The following EVA1A variants were observed in gnomAD, a reference collection of about 807,000 sequenced individuals.
The protein encoded by EVA1A is eva-1 homolog A, regulator of programmed cell death.
In EVA1A, 7 loss-of-function variants were observed where a neutral mutation model predicts 9.8. The ratio of observed to expected loss-of-function variants is 0.71; its 90% confidence interval spans 0.41 to 1.34. The LOEUF (loss-of-function observed/expected upper bound fraction) is 1.34, where lower values mean the gene tolerates loss of function less well. EVA1A is among the 40% of genes most tolerant of loss of function. The pLI, the probability that EVA1A is intolerant of heterozygous loss-of-function variation, is 0.01. For missense variants in EVA1A, 206 were observed against 205.9 expected (o/e 1.00, Z 0.00); for synonymous variants, 90 against 85.6 (o/e 1.05, Z -0.28).
rs561048980 is a variant in EVA1A at position 75,517,311 on chromosome 2, A to G, written c.85+745T>C. On this transcript the variant is annotated intron_variant, in intron 3 of 3. Transcript: ENST00000393913. ...GAAACCCTAGTCCCTTCCTTTTTATACAATATATCCAGAGACATCAGGCAA... is the reference window on the plus strand; with the variant it reads ...GAAACCCTAGTCCCTTCCTTTTTATGCAATATATCCAGAGACATCAGGCAA... 1.1e-4 allele frequency among the ~76,000 whole-genome samples: 17 copies of G among 152,324 alleles called. No individual in the cohort carries two copies. In the South Asian group the frequency reaches 3.1e-3, roughly 28 times the overall value.
chr2:75,510,986 C>T (rs1182598860), intron 3 of EVA1A, among the ~76,000 whole-genome samples: 4 of 152,222 alleles, frequency 2.6e-5, no homozygotes, highest in African/African-American at 7.2e-5. Flanking sequence ...TCTCGTGCTA[C>T]AATGCAAAGT....
At chr2:75,503,027 C>T (rs1674483002) in intron 3 of EVA1A, among the ~76,000 whole-genome samples, 1 of 152,154 alleles carries the variant, frequency 6.6e-6, no homozygotes, top group Non-Finnish European at 1.5e-5. Context: ...CTTAATGAGT[C>T]CACCTTGTCC....
Position 75,493,113 on chromosome 2 carries a change from G to A in EVA1A, c.*123C>T. On this transcript the variant is annotated 3_prime_UTR_variant, in exon 4 of 4. Coordinates refer to ENST00000393913, the MANE Select transcript of EVA1A (RefSeq NM_001135032.2). Reference sequence around the variant, plus strand: ...ATCCTCCTGGCTAGAAAAGGGGCATGTCCTGCTTTTTCTCTGAAATCACAA... The same window carrying A: ...ATCCTCCTGGCTAGAAAAGGGGCATATCCTGCTTTTTCTCTGAAATCACAA... 7.2e-7 allele frequency: 1 copy of A among 1,384,798 alleles called. No homozygotes were observed. Among genetic ancestry groups the A allele is most frequent in the Non-Finnish European group, 9.8e-7 (1 of 1,023,040 alleles). The allele number at this position is 1,384,798 out of a possible 1,614,324, so 85.8% of individuals were successfully genotyped here. A position where few individuals can be genotyped will look rare whatever the true frequency, so the allele number is the denominator to read the frequency against.
chr2:75,560,511 T>C (rs1676885700), intron 1 of EVA1A, among the ~76,000 whole-genome samples, 169 bp downstream of exon 1: 1 of 152,182 alleles, frequency 6.6e-6, no homozygotes, highest in Admixed American at 6.5e-5. Flanking sequence ...CAGAGTTCCC[T>C]GTGGGACCCA....
chr2:75,567,196 A>C (rs1677045114), intron 1 of EVA1A, among the ~76,000 whole-genome samples: 1 of 152,256 alleles, frequency 6.6e-6, no homozygotes. Context: ...TGAAAATACC[A>C]TTGACTCTCA....
intron 3 of EVA1A, among the ~76,000 whole-genome samples, chr2:75,513,569 A>G (rs1674894081): frequency 6.6e-6 from 1 of 152,224 alleles, no homozygotes; most frequent in Admixed American, 6.5e-5. Context: ...CAGTATCTTT[A>G]GAGATATCTG....
intron 2 of EVA1A, chr2:75,518,758 C>T (rs1675128222): frequency 1.2e-5 from 12 of 986,364 alleles, no homozygotes; most frequent in Non-Finnish European, 1.4e-5. Context: ...GCCCTCTCCT[C>T]TCCTGCTGTG....
intron 2 of EVA1A, among the ~76,000 whole-genome samples, chr2:75,519,522 C>T (rs541639106): frequency 4.6e-5 from 7 of 152,308 alleles, no homozygotes; most frequent in African/African-American, 1.7e-4. Context: ...TTGGAGCGGC[C>T]AGAGGCTCTG....
intron 3 of EVA1A, among the ~76,000 whole-genome samples, chr2:75,493,872 GAA>G (rs1460908350): frequency 1.3e-5 from 2 of 152,194 alleles, no homozygotes; most frequent in Non-Finnish European, 2.9e-5. Flanking sequence ...GTAAAAGAAA[GAA>G]AAACAGTAAT....
At chr2:75,525,772 T>G (rs1675412257) in intron 1 of EVA1A, among the ~76,000 whole-genome samples, 1 of 152,160 alleles carries the variant, frequency 6.6e-6, no homozygotes, top group South Asian at 2.1e-4. Context: ...GGACCAGGGT[T>G]AAGAAATGAT....
chr2:75,519,688 G>T (rs56036154), intron 2 of EVA1A, among the ~76,000 whole-genome samples: 2,378 of 152,280 alleles, frequency 0.016, 59 homozygotes, highest in African/African-American at 0.054. Context: ...CGTGAATGGT[G>T]AGAGCCATCA....
intron 1 of EVA1A, among the ~76,000 whole-genome samples, chr2:75,525,374 A>G (rs1186389928): frequency 7.2e-5 from 11 of 152,108 alleles, no homozygotes; most frequent in Non-Finnish European, 5.9e-5. Flanking sequence ...AGGAACTTAT[A>G]TTTCCTCTTT....
chr2:75,522,759 C>G lies in EVA1A; in HGVS notation c.-191-272G>C, dbSNP rs1324771305. Among the ~76,000 whole-genome samples the G allele has an allele frequency of 2.0e-5, 3 of 152,224 alleles. No homozygotes were observed. The East Asian group carries it at 5.8e-4, about 29-fold the overall frequency. On this transcript the variant is annotated intron_variant, in intron 1 of 3. Transcript: ENST00000393913. ...ATCAAAGAAACATGCTTCCTCTCTG[C>G]TCCTGTCAGCCAAAATCCACAAAAC... is the stretch of plus-strand genomic sequence containing the variant.
intron 1 of EVA1A, among the ~76,000 whole-genome samples, chr2:75,553,143 C>T (rs1047144840): frequency 2.6e-5 from 4 of 152,192 alleles, no homozygotes; most frequent in Non-Finnish European, 5.9e-5. Flanking sequence ...GACTTCTCAC[C>T]GGCCCATCTG....
intron 1 of EVA1A, chr2:75,542,266 C>T (rs1676153931): frequency 6.6e-6 from 1 of 152,334 alleles, no homozygotes; most frequent in Non-Finnish European, 1.5e-5. Flanking sequence ...ATGTCTTTAT[C>T]AACAGTGTGA....
At chr2:75,528,359 G>A (rs533181347) in intron 1 of EVA1A, among the ~76,000 whole-genome samples, 1 of 152,312 alleles carries the variant, frequency 6.6e-6, no homozygotes, top group East Asian at 1.9e-4. Context: ...TTTCTCAGCA[G>A]GGAGGCTTGT....
At chr2:75,501,024 C>CAAAAAA (rs78473697) in intron 3 of EVA1A, among the ~76,000 whole-genome samples, 2 of 131,594 alleles carry the variant, frequency 1.5e-5, no homozygotes, top group African/African-American at 5.3e-5. Context: ...ATTACTTTTA[C>CAAAAAA]AAAAAAAAAA....
chr2:75,567,357 C>T (rs1476902437), intron 1 of EVA1A, among the ~76,000 whole-genome samples: 1 of 152,166 alleles, frequency 6.6e-6, no homozygotes, highest in African/African-American at 2.4e-5. Context: ...AGCTCAACCT[C>T]ATAGCATACC....
Position 75,508,881 on chromosome 2 carries a change from T to C in EVA1A, c.85+9175A>G, listed in dbSNP as rs138548741. On this transcript the variant is annotated intron_variant, in intron 3 of 3. Coordinates refer to ENST00000393913, the MANE Select transcript of EVA1A (RefSeq NM_001135032.2). ...AAATAGAAAAGAACCTACGTGACTATCGGGGCGGGTTCCCAGATAGACCTT... is the reference window on the plus strand; with the variant it reads ...AAATAGAAAAGAACCTACGTGACTACCGGGGCGGGTTCCCAGATAGACCTT... Among the ~76,000 whole-genome samples the C allele has an allele frequency of 4.1e-3, 630 of 152,190 alleles. 5 individuals are homozygous for C. The highest frequency in any genetic ancestry group is 0.015 in the African/African-American group (618 of 41,520).
Sources: gnomAD v4.1 joint callset for allele counts (sites outside exome capture counted in the v4.1 genomes callset) on GRCh38, gnomAD v4.1.1 for gene constraint, MANE v1.5 for transcripts, NCBI Gene and HGNC (gene_info 2026-07-23, HGNC 2026-07-21) for gene names.